Variants in PMEPA1 observed in about 807,000 individuals in gnomAD.
PMEPA1 encodes protein TMEPAI.
A neutral mutation model predicts 23.0 loss-of-function variants in PMEPA1; 11 were observed. That is an observed-to-expected ratio of 0.48 (90% CI 0.30 to 0.79). The LOEUF (loss-of-function observed/expected upper bound fraction) is 0.79, where lower values mean the gene tolerates loss of function less well. PMEPA1 is among the 30% of genes least tolerant of loss of function. PMEPA1 has a pLI of 0.06. For missense variants in PMEPA1, 377 were observed against 390.9 expected, an observed-to-expected ratio of 0.96 and a Z score of 0.30; for synonymous variants, 204 against 166.4, an observed-to-expected ratio of 1.23 and a Z score of -1.74.
intron 1 of PMEPA1, among the ~76,000 whole-genome samples, chr20:57,707,360 C>T (rs1346638734): frequency 6.6e-6 from 1 of 152,242 alleles, no homozygotes; most frequent in Non-Finnish European, 1.5e-5. Flanking sequence ...AGTATACCTG[C>T]ATTTTAAAGA....
chr20:57,680,444 G>C (rs576408883), intron 1 of PMEPA1, among the ~76,000 whole-genome samples: 1 of 152,344 alleles, frequency 6.6e-6, no homozygotes, highest in South Asian at 2.1e-4. Flanking sequence ...GCGAGGGGAA[G>C]TAGCTAAACA....
chr20:57,706,219 C>T (rs2072084732), intron 1 of PMEPA1, among the ~76,000 whole-genome samples: 2 of 152,188 alleles, frequency 1.3e-5, no homozygotes. Flanking sequence ...GCCCCAGGTT[C>T]AGTCTTTCCC....
At chr20:57,689,551 A>C (rs2071848584) in intron 1 of PMEPA1, among the ~76,000 whole-genome samples, 1 of 152,226 alleles carries the variant, frequency 6.6e-6, no homozygotes, top group Non-Finnish European at 1.5e-5. Context: ...AAGATGGGAC[A>C]GTCTCCAAAT....
chr20:57,709,710 C>A lies in PMEPA1; in HGVS notation c.-128G>T. ...GGCGGGGGAGGCGCGCCCCGGCTCG[C>A]CGGGCTCGGGTCGCCGCCAAGTTCC... On this transcript the variant is annotated 5_prime_UTR_variant, in exon 1 of 4. Transcript: ENST00000341744. The A allele has an allele frequency of 2.0e-6, 2 of 978,040 alleles. No homozygotes were observed. The highest frequency in any genetic ancestry group is 2.4e-6 in the Non-Finnish European group (2 of 826,954). The allele number at this position is 978,040 out of a possible 1,614,324, so 60.6% of individuals were successfully genotyped here. A position where few individuals can be genotyped will look rare whatever the true frequency, so the allele number is the denominator to read the frequency against.
At chr20:57,690,342 C>T in intron 1 of PMEPA1, 4 of 953,428 alleles carry the variant, frequency 4.2e-6, no homozygotes, top group Non-Finnish European at 6.0e-6. Context: ...CGCCCTGCAT[C>T]AGCGCTACAC....
At chr20:57,657,340 C>T (rs1338378691) in intron 2 of PMEPA1, among the ~76,000 whole-genome samples, 1 of 152,212 alleles carries the variant, frequency 6.6e-6, no homozygotes, top group Non-Finnish European at 1.5e-5. Flanking sequence ...CTCCCCAGCA[C>T]TTGAGGGAGG....
chr20:57,710,535 C>A, upstream of PMEPA1: 2 of 1,515,066 alleles, frequency 1.3e-6, no homozygotes, highest in Admixed American at 1.9e-5. Context: ...ACTGAACCCC[C>A]AAGCGCTTTC....
intron 1 of PMEPA1, among the ~76,000 whole-genome samples, chr20:57,702,676 T>G (rs947480282): frequency 6.6e-6 from 1 of 152,220 alleles, no homozygotes; most frequent in Non-Finnish European, 1.5e-5. Context: ...TGAATCCCAA[T>G]GGAGCATCAG....
intron 1 of PMEPA1, among the ~76,000 whole-genome samples, chr20:57,691,373 G>C (rs2071879853): frequency 6.6e-6 from 1 of 152,202 alleles, no homozygotes; most frequent in Admixed American, 6.5e-5. Flanking sequence ...TGCGCTAGGG[G>C]TTCTTGTGCA....
Position 57,682,658 on chromosome 20 carries a change from T to TA in PMEPA1, c.110-22962dup, listed in dbSNP as rs33918233. On this transcript the variant is annotated intron_variant, in intron 1 of 3. Transcript: ENST00000341744. The surrounding 1 kb of genome is among the most constrained non-coding windows in gnomAD (Gnocchi z 4.4). ...ACCCACACTCCTCCAGTTTTTGATT[T>TA]AAAAAAAATCCCTGAAACAGCACCC... Among the ~76,000 whole-genome samples, 21,455 of 151,780 alleles carry TA rather than the reference T, an allele frequency of 0.14. 1,698 individuals are homozygous for TA. Among genetic ancestry groups the TA allele is most frequent in the East Asian group, 0.29 (1,484 of 5,150 alleles).
rs2071752455 is a variant in PMEPA1 at position 57,683,554 on chromosome 20, C to CGCGTGTGT, written c.110-23858_110-23857insACACACGC. 2.8e-5 allele frequency among the ~76,000 whole-genome samples: 3 copies of CGCGTGTGT among 106,310 alleles called. No homozygotes were observed. Among genetic ancestry groups the CGCGTGTGT allele is most frequent in the Non-Finnish European group, 5.2e-5 (2 of 38,352 alleles). 69.7% of individuals were successfully genotyped at this position (106,310 alleles called of 152,430 possible). A position where few individuals can be genotyped will look rare whatever the true frequency, so the allele number is the denominator to read the frequency against. ...CGGTGGTGGTGTTCTGGCCTGTGTG[C>CGCGTGTGT]GTGTGTGTGTGTGTGTGTGTGTGTG... is the stretch of plus-strand genomic sequence containing the variant. On this transcript the variant is annotated intron_variant, in intron 1 of 3. Coordinates refer to ENST00000341744, the MANE Select transcript of PMEPA1 (RefSeq NM_020182.5). This position sits in a 1 kb window ranked among gnomAD's most constrained non-coding sequence, Gnocchi z 4.3.
rs1425610430 is a variant in PMEPA1, at chr20:57,649,707, G to A, written c.*2346C>T. 1 of 152,554 alleles carries A rather than the reference G, an allele frequency of 6.6e-6. No individual in the cohort carries two copies. The highest frequency in any genetic ancestry group is 1.5e-5 in the Non-Finnish European group (1 of 68,070). 9.5% of individuals were successfully genotyped at this position (152,554 alleles called of 1,614,324 possible). A position where few individuals can be genotyped will look rare whatever the true frequency, so the allele number is the denominator to read the frequency against. On this transcript the variant is annotated 3_prime_UTR_variant, in exon 4 of 4. Transcript: ENST00000341744. ...GCAAAAAAAGGTTGGAGGAGCAGGA[G>A]TAACCTCACCAAGCTAGGCACCTCC...
chr20:57,665,154 T>C (rs1287431190), intron 1 of PMEPA1, among the ~76,000 whole-genome samples: 3 of 152,186 alleles, frequency 2.0e-5, no homozygotes, highest in Non-Finnish European at 2.9e-5. Flanking sequence ...AGTATTGTCA[T>C]GATTCTAACA....
Position 57,650,111 on chromosome 20 carries a change from C to A in PMEPA1, c.*1942G>T, listed in dbSNP as rs1336092247. The A allele has an allele frequency of 6.6e-6, 1 of 152,276 alleles. No homozygotes were observed. The highest frequency in any genetic ancestry group is 1.5e-5 in the Non-Finnish European group (1 of 68,030). 9.4% of individuals were successfully genotyped at this position (152,276 alleles called of 1,614,324 possible). On this transcript the variant is annotated 3_prime_UTR_variant, in exon 4 of 4. Transcript: ENST00000341744. The stretch of plus-strand genomic sequence containing the variant: ...TCTACTAGGCTGGCGGCATGCAGAG[C>A]CCACGTCTGTCAGCTGCCACCTTCG...
chr20:57,662,230 T>C (rs1277544094), intron 1 of PMEPA1, among the ~76,000 whole-genome samples: 2 of 152,212 alleles, frequency 1.3e-5, no homozygotes, highest in Non-Finnish European at 2.9e-5. Flanking sequence ...GTGGTAACCG[T>C]CCTGCACCGA....
intron 2 of PMEPA1, among the ~76,000 whole-genome samples, chr20:57,654,397 A>AC (rs1238068304): frequency 6.6e-6 from 1 of 152,046 alleles, no homozygotes; most frequent in African/African-American, 2.4e-5. Context: ...CAGGTAGGAT[A>AC]CCGCTCACCT....
intron 1 of PMEPA1, among the ~76,000 whole-genome samples, chr20:57,684,130 C>T (rs934926581): frequency 2.6e-5 from 4 of 152,196 alleles, no homozygotes; most frequent in Non-Finnish European, 5.9e-5. Flanking sequence ...CAGCTGCCCA[C>T]GCCTGACTCC....
chr20:57,681,727 A>T (rs1230943812), intron 1 of PMEPA1, among the ~76,000 whole-genome samples: 2 of 151,536 alleles, frequency 1.3e-5, no homozygotes, highest in Non-Finnish European at 2.9e-5. Flanking sequence ...CGCTTTAGTC[A>T]CCCCCTCATT....
At position 57,652,860 on chromosome 20, in the gene PMEPA1, G is replaced by A. The variant is rs942756147; in HGVS notation, c.318+173C>T. 6.6e-6 allele frequency among the ~76,000 whole-genome samples: 1 copy of A among 152,166 alleles called. No homozygotes were observed. The highest frequency in any genetic ancestry group is 1.5e-5 in the Non-Finnish European group (1 of 68,020). Reference sequence around the variant, plus strand: ...TGTGCAGAGAGCAGAGAGCTGGGCTGCTCCCTCAGGGGCAGGGAGCAGATG... The same window carrying A: ...TGTGCAGAGAGCAGAGAGCTGGGCTACTCCCTCAGGGGCAGGGAGCAGATG... On this transcript the variant is annotated intron_variant, in intron 3 of 3. Transcript: ENST00000341744. The surrounding 1 kb of genome is among the most constrained non-coding windows in gnomAD (Gnocchi z 6.1).
Sources: allele counts gnomAD v4.1 joint callset (sites outside exome capture counted in the v4.1 genomes callset), GRCh38; gene constraint gnomAD v4.1.1; non-coding constraint Gnocchi (gnomAD v3.1); transcripts MANE v1.5; gene names NCBI Gene and HGNC (gene_info 2026-07-23, HGNC 2026-07-21).